Variants in CENPP observed in about 807,000 individuals in gnomAD.
CENPP encodes the protein centromere protein P.
Under a neutral mutation model 35.6 loss-of-function variants are expected in CENPP, and 24 were observed. The observed-to-expected ratio is 0.67, with a 90% confidence interval of 0.49 to 0.95. CENPP has a LOEUF of 0.95. Ranked by LOEUF, CENPP falls within the 40% of genes least tolerant of loss-of-function variation. CENPP has a pLI of 0.00. For missense variants in CENPP, 332 were observed against 345.3 expected (o/e 0.96, Z 0.31); for synonymous variants, 120 against 125.5 (o/e 0.96, Z 0.29).
At chr9:92,536,322 T>A (rs545449649) in intron 5 of CENPP, among the ~76,000 whole-genome samples, 1 of 152,286 alleles carries the variant, frequency 6.6e-6, no homozygotes, top group African/African-American at 2.4e-5. Flanking sequence ...ATTAAAAATG[T>A]TAAAGTTTAT....
chr9:92,330,526 CAAGG>C (rs1251093236), intron 1 of CENPP, among the ~76,000 whole-genome samples: 1 of 150,952 alleles, frequency 6.6e-6, no homozygotes, highest in Non-Finnish European at 1.5e-5. Context: ...CCCAAGAATC[CAAGG>C]AAGAGATGTT....
chr9:92,325,853 G>C, upstream of CENPP: 1 of 607,024 alleles, frequency 1.6e-6, no homozygotes, highest in Middle Eastern at 4.2e-4. Context: ...GGGCCGCTGG[G>C]GTCACGCGGA....
chr9:92,552,788 G>T (rs2131330523), intron 5 of CENPP, among the ~76,000 whole-genome samples: 1 of 152,176 alleles, frequency 6.6e-6, no homozygotes, highest in South Asian at 2.1e-4. Context: ...CCACTCTGTG[G>T]GTTGTCTGTT....
chr9:92,356,567 A>G (rs1429004335), intron 4 of CENPP, among the ~76,000 whole-genome samples: 1 of 152,250 alleles, frequency 6.6e-6, no homozygotes, highest in African/African-American at 2.4e-5. Context: ...TGAAGATAAC[A>G]GGATTAAGAG....
upstream of CENPP, chr9:92,325,834 G>A: frequency 5.3e-6 from 3 of 565,958 alleles, no homozygotes; most frequent in South Asian, 4.2e-5. Flanking sequence ...GAGCGGAGTT[G>A]GACGTGCAGG....
Position 92,613,077 on chromosome 9 carries a change from G to C in CENPP, c.795G>C (p.Leu265=). Residue 265 remains leucine (L), a synonymous_variant, in exon 8 of 8, where the codon CTG becomes CTC. Coordinates refer to ENST00000375587, the MANE Select transcript of CENPP (RefSeq NM_001012267.3). The stretch of plus-strand genomic sequence containing the variant: ...CTGCTCCTCTCAGCTTCCGAACCCT[G>C]GTAGGACTGCTTGGAATCGAAGCTG... The part of the protein sequence containing the change: ...IETAPLSFRT[L]VGLLGIEAAL... 1 of 1,614,168 alleles carries C rather than the reference G, an allele frequency of 6.2e-7. No individual in the cohort carries two copies. Among genetic ancestry groups the C allele is most frequent in the Non-Finnish European group, 8.5e-7 (1 of 1,180,016 alleles).
intron 5 of CENPP, among the ~76,000 whole-genome samples, chr9:92,586,489 T>C (rs1242305218): frequency 2.0e-5 from 3 of 152,004 alleles, no homozygotes; most frequent in South Asian, 2.1e-4. Context: ...GGAAGGACCA[T>C]GCATATACCA....
chr9:92,607,084 G>A (rs1381797229), intron 5 of CENPP, among the ~76,000 whole-genome samples: 1 of 152,240 alleles, frequency 6.6e-6, no homozygotes, highest in Non-Finnish European at 1.5e-5. Flanking sequence ...AAGACCATAT[G>A]TAATTCCATT....
Position 92,483,989 on chromosome 9 carries a change from G to A in CENPP, c.564+104130G>A, listed in dbSNP as rs146576866. ...ATTCAAGTATATTTCAGTTGCAAAT[G>A]TATCTGTTAACTGGATGAATTGGGA... On this transcript the variant is annotated intron_variant, in intron 5 of 7. Transcript: ENST00000375587. Among the ~76,000 whole-genome samples, 545 of 152,238 alleles carry A rather than the reference G, an allele frequency of 3.6e-3. 5 individuals are homozygous for A. The highest frequency in any genetic ancestry group is 0.013 in the African/African-American group (530 of 41,546).
At position 92,616,809 on chromosome 9, in the gene CENPP, C is replaced by T. The variant is rs972866353; in HGVS notation, c.*3660C>T. Reference sequence around the variant, plus strand: ...CCGCTTTTCGTCTCCGGGCACTCAGCGCACAGCACTCAAGACACTGGCTAA... The same window carrying T: ...CCGCTTTTCGTCTCCGGGCACTCAGTGCACAGCACTCAAGACACTGGCTAA... On this transcript the variant is annotated 3_prime_UTR_variant, in exon 8 of 8. Coordinates refer to ENST00000375587, the MANE Select transcript of CENPP (RefSeq NM_001012267.3). 2.0e-5 allele frequency: 3 copies of T among 152,258 alleles called. No homozygotes were observed. The highest frequency in any genetic ancestry group is 2.0e-4 in the Admixed American group (3 of 15,272). The allele number at this position is 152,258 out of a possible 1,614,324, so 9.4% of individuals were successfully genotyped here.
intron 5 of CENPP, among the ~76,000 whole-genome samples, chr9:92,596,657 C>T (rs1850790947): frequency 6.6e-6 from 1 of 151,654 alleles, no homozygotes; most frequent in Admixed American, 6.6e-5. Flanking sequence ...AAGAGTTAGT[C>T]GGAAGTCCAT....
intron 5 of CENPP, among the ~76,000 whole-genome samples, chr9:92,463,807 A>G (rs1845202724): frequency 6.6e-6 from 1 of 152,178 alleles, no homozygotes; most frequent in South Asian, 2.1e-4. Context: ...AGCTACACTG[A>G]GGTGTTTTTT....
intron 5 of CENPP, among the ~76,000 whole-genome samples, chr9:92,598,745 G>GGT (rs1554691469): frequency 6.9e-6 from 1 of 144,612 alleles, no homozygotes. Flanking sequence ...AACTGAAGGG[G>GGT]TTTTTTTTTT....
chr9:92,359,602 A>C (rs959927735), intron 4 of CENPP, among the ~76,000 whole-genome samples: 2 of 152,154 alleles, frequency 1.3e-5, no homozygotes, highest in African/African-American at 2.4e-5. Flanking sequence ...AATGAAGAAA[A>C]TGAAGGTGGG....
intron 5 of CENPP, chr9:92,517,842 G>T (rs35496743): frequency 1.2e-6 from 2 of 1,614,148 alleles, no homozygotes; most frequent in Non-Finnish European, 1.7e-6. Flanking sequence ...GTTGTACATG[G>T]TTATGCCCTT....
chr9:92,588,357 C>G (rs1166782546), intron 5 of CENPP, among the ~76,000 whole-genome samples: 1 of 151,530 alleles, frequency 6.6e-6, no homozygotes, highest in Non-Finnish European at 1.5e-5. Flanking sequence ...ACACCATTCT[C>G]CTGCCTCAGT....
At chr9:92,505,629 A>AT in intron 5 of CENPP, 6 of 1,610,056 alleles carry the variant, frequency 3.7e-6, no homozygotes, top group Non-Finnish European at 5.1e-6. Context: ...AAGCTAAAGG[A>AT]TTGACATTGG....
intron 5 of CENPP, among the ~76,000 whole-genome samples, chr9:92,582,440 G>A (rs915836026): frequency 1.3e-5 from 2 of 152,100 alleles, no homozygotes; most frequent in Non-Finnish European, 2.9e-5. Context: ...TCAATTGTGG[G>A]ACATCCAGAT....
At chr9:92,565,440 G>C (rs1338744727) in intron 5 of CENPP, among the ~76,000 whole-genome samples, 1 of 152,064 alleles carries the variant, frequency 6.6e-6, no homozygotes, top group Non-Finnish European at 1.5e-5. Context: ...GGAAGACTAG[G>C]TCAGTAAATT....
Sources: gnomAD v4.1 joint callset for allele counts (sites outside exome capture counted in the v4.1 genomes callset) on GRCh38, gnomAD v4.1.1 for gene constraint, MANE v1.5 for transcripts, NCBI Gene and HGNC (gene_info 2026-07-23, HGNC 2026-07-21) for gene names.